PRKN: variants seen among roughly 807,000 people sequenced by gnomAD.
PRKN encodes the protein parkin RBR E3 ubiquitin protein ligase.
PRKN carries 56 observed loss-of-function variants against 59.5 expected under a neutral mutation model. The ratio of observed to expected loss-of-function variants is 0.94; its 90% CI spans 0.76 to 1.18. PRKN has a LOEUF of 1.18. Among genes scored for constraint, PRKN ranks in the 50% most tolerant of loss-of-function variants. The pLI is 0.00. For missense variants in PRKN, 657 were observed against 596.4 expected (o/e 1.10, Z -1.06); for synonymous variants, 250 against 222.1 (o/e 1.13, Z -1.12).
intron 2 of PRKN, among the ~76,000 whole-genome samples, chr6:162,373,355 T>TA (rs2128137797): frequency 6.6e-6 from 1 of 152,314 alleles, no homozygotes; most frequent in East Asian, 1.9e-4. Flanking sequence ...GTTGAGTTAA[T>TA]AAACTATGGT....
chr6:161,673,532 T>C (rs1784983364), intron 7 of PRKN, among the ~76,000 whole-genome samples: 1 of 152,198 alleles, frequency 6.6e-6, no homozygotes, highest in Non-Finnish European at 1.5e-5. Flanking sequence ...CTACTTTGGC[T>C]TATTCCAAGG....
At chr6:162,553,970 G>A (rs572280058) in intron 1 of PRKN, among the ~76,000 whole-genome samples, 10 of 152,112 alleles carry the variant, frequency 6.6e-5, no homozygotes, top group South Asian at 2.1e-4. Context: ...AGAAAGCGGC[G>A]AGGGACTCCC....
intron 5 of PRKN, among the ~76,000 whole-genome samples, chr6:162,049,241 A>G: frequency 6.8e-6 from 1 of 147,624 alleles, no homozygotes; most frequent in East Asian, 1.9e-4. Context: ...GTACATGGAT[A>G]TTTTGTCTAA....
At chr6:162,091,651 C>G (rs562759289) in intron 4 of PRKN, among the ~76,000 whole-genome samples, 9 of 152,164 alleles carry the variant, frequency 5.9e-5, no homozygotes, top group Non-Finnish European at 1.0e-4. Flanking sequence ...AGGGTATTCA[C>G]CTTGATTGGA....
intron 6 of PRKN, among the ~76,000 whole-genome samples, chr6:161,799,659 G>A (rs1461651432): frequency 1.3e-5 from 2 of 152,228 alleles, no homozygotes; most frequent in African/African-American, 4.8e-5. Flanking sequence ...GGATGTCATT[G>A]TCTCTTCAGA....
At chr6:161,912,176 TAAAA>T (rs59096059) in intron 6 of PRKN, among the ~76,000 whole-genome samples, 1 of 125,794 alleles carries the variant, frequency 7.9e-6, no homozygotes. Context: ...GAATCTGTCC[TAAAA>T]AAAAAAAAAA....
In PRKN at chr6:161,589,778, CTT is replaced by C. The variant is rs201984579; in HGVS notation, c.872-20364_872-20363del. Among the ~76,000 whole-genome samples the C allele has an allele frequency of 7.3e-3, 901 of 124,040 alleles. 5 individuals are homozygous for C. Among genetic ancestry groups the C allele is most frequent in the African/African-American group, 0.023 (756 of 32,500 alleles). 81.4% of individuals were successfully genotyped at this position (124,040 alleles called of 152,430 possible). A position where few individuals can be genotyped will look rare whatever the true frequency, so the allele number is the denominator to read the frequency against. On this transcript the variant is annotated intron_variant, in intron 7 of 11. Transcript: ENST00000366898. ...ACAATGAATTGAAAAGGATTAAATT[CTT>C]TTTTTTTTTTTTTTTTGGAGACAGG...
chr6:162,073,640 C>A lies in PRKN; in HGVS notation c.535-19466G>T, dbSNP rs1360625530. ...TTAATTTTTATACTTTTTGTAGAGA[C>A]AAGGTTTCGCCATGTTGGCCAGACT... On this transcript the variant is annotated intron_variant, in intron 4 of 11. Transcript: ENST00000366898. Among the ~76,000 whole-genome samples the A allele has an allele frequency of 2.0e-5, 3 of 152,154 alleles. No homozygotes were observed. In the East Asian group the frequency reaches 5.8e-4, roughly 29 times the overall value.
At chr6:162,402,248 CAAA>C (rs3081921) in intron 2 of PRKN, among the ~76,000 whole-genome samples, 64 of 125,070 alleles carry the variant, frequency 5.1e-4, no homozygotes, top group Admixed American at 4.1e-4. Context: ...GACTCTGTCT[CAAA>C]AAAAAAAAAA....
At chr6:161,450,465 G>C (rs1789680024) in intron 9 of PRKN, among the ~76,000 whole-genome samples, 1 of 152,200 alleles carries the variant, frequency 6.6e-6, no homozygotes, top group African/African-American at 2.4e-5. Flanking sequence ...ATCTGCACTG[G>C]TGTTTCCAAT....
intron 1 of PRKN, among the ~76,000 whole-genome samples, chr6:162,468,517 C>T (rs1247086528): frequency 9.4e-6 from 1 of 106,814 alleles, no homozygotes; most frequent in Admixed American, 8.4e-5. Flanking sequence ...AAATATAGGA[C>T]ACACACATTT....
intron 7 of PRKN, among the ~76,000 whole-genome samples, chr6:161,736,957 A>T (rs558241731): frequency 6.6e-6 from 1 of 152,296 alleles, no homozygotes; most frequent in East Asian, 1.9e-4. Flanking sequence ...GGTTTGTGTG[A>T]GTCGGAGCTC....
chr6:162,249,367 C>G (rs1230777092), intron 3 of PRKN, among the ~76,000 whole-genome samples: 1 of 152,160 alleles, frequency 6.6e-6, no homozygotes, highest in Non-Finnish European at 1.5e-5. Context: ...AAAGGATACA[C>G]ATGGAGAATT....
At chr6:161,884,147 G>A (rs894151256) in intron 6 of PRKN, among the ~76,000 whole-genome samples, 1 of 152,076 alleles carries the variant, frequency 6.6e-6, no homozygotes, top group Non-Finnish European at 1.5e-5. Flanking sequence ...TATTTACCAC[G>A]TGGACACAGT....
intron 4 of PRKN, among the ~76,000 whole-genome samples, chr6:162,157,943 G>A (rs909991829): frequency 1.3e-5 from 2 of 151,986 alleles, no homozygotes; most frequent in Non-Finnish European, 2.9e-5. Flanking sequence ...CAACTTTGTT[G>A]AAACTTCTTA....
intron 9 of PRKN, among the ~76,000 whole-genome samples, chr6:161,516,323 T>C (rs1295615511): frequency 6.6e-6 from 1 of 150,830 alleles, no homozygotes; most frequent in African/African-American, 2.4e-5. Flanking sequence ...AAAAATTAGC[T>C]GGGTGTGATG....
rs1348451142 is a variant in PRKN, at chr6:161,352,119, CT to C, written c.1286-1909del. The stretch of plus-strand genomic sequence containing the variant: ...CGCAGTTTCTTTGCTTGAATCCCAC[CT>C]AGCGTTGAAGGTGCTCCATTACTCA... On this transcript the variant is annotated intron_variant, in intron 11 of 11. Transcript: ENST00000366898. This position sits in a 1 kb window ranked among gnomAD's most constrained non-coding sequence, Gnocchi z 5.8. Among the ~76,000 whole-genome samples the C allele has an allele frequency of 1.3e-5, 2 of 152,180 alleles. No homozygotes were observed. Among genetic ancestry groups the C allele is most frequent in the African/African-American group, 4.8e-5 (2 of 41,446 alleles).
At chr6:161,776,450 T>G (rs1789927956) in intron 7 of PRKN, among the ~76,000 whole-genome samples, 1 of 152,220 alleles carries the variant, frequency 6.6e-6, no homozygotes, top group Non-Finnish European at 1.5e-5. Flanking sequence ...ACTGAAAAAC[T>G]CATGCTAGCT....
At chr6:161,833,614 T>G (rs1175083700) in intron 6 of PRKN, among the ~76,000 whole-genome samples, 1 of 152,026 alleles carries the variant, frequency 6.6e-6, no homozygotes, top group Non-Finnish European at 1.5e-5. Flanking sequence ...CAGACTCCCC[T>G]CGGATGTCCG....
Sources: gnomAD v4.1 joint callset for allele counts (sites outside exome capture counted in the v4.1 genomes callset) on GRCh38, gnomAD v4.1.1 for gene constraint, Gnocchi (gnomAD v3.1) non-coding constraint, MANE v1.5 for transcripts, NCBI Gene and HGNC (gene_info 2026-07-23, HGNC 2026-07-21) for gene names.